Variants in UBE3D observed in about 807,000 individuals in gnomAD.
The protein encoded by UBE3D is ubiquitin protein ligase E3D.
Under a neutral mutation model 49.6 loss-of-function variants are expected in UBE3D, and 48 were observed. The observed-to-expected ratio is 0.97, with a 90% confidence interval of 0.77 to 1.23. The LOEUF is 1.23. Ranked by LOEUF, UBE3D falls within the 50% of genes most tolerant of loss-of-function variation. The pLI is 0.00. For missense variants in UBE3D, 452 were observed against 468.4 expected, an observed-to-expected ratio of 0.96 and a Z score of 0.32; for synonymous variants, 189 against 174.2, an observed-to-expected ratio of 1.08 and a Z score of -0.67.
chr6:82,979,824 TGTAA>T (rs1777987828), intron 8 of UBE3D, among the ~76,000 whole-genome samples: 1 of 152,102 alleles, frequency 6.6e-6, no homozygotes, highest in Non-Finnish European at 1.5e-5. Context: ...AGCTCCCACT[TGTAA>T]GTAAGAACAT....
intron 1 of UBE3D, among the ~76,000 whole-genome samples, chr6:83,060,189 A>G (rs1538356): frequency 0.67 from 102,159 of 151,890 alleles, 35,482 homozygotes; most frequent in Middle Eastern, 0.79. Flanking sequence ...TTCAGTCCAT[A>G]ACAGGGTCCA....
At chr6:82,970,641 C>T (rs999113950) in intron 8 of UBE3D, among the ~76,000 whole-genome samples, 4 of 152,046 alleles carry the variant, frequency 2.6e-5, no homozygotes, top group Admixed American at 1.3e-4. Flanking sequence ...AGATCGAGAC[C>T]ATCCTGGCTA....
At chr6:82,880,863 G>T in the UBE3D span, among the ~76,000 whole-genome samples, 1 of 152,136 alleles carries the variant, frequency 6.6e-6, no homozygotes, top group Non-Finnish European at 1.5e-5. Context: ...GAGCAGGGTG[G>T]CATCGTTGTT....
At chr6:83,001,410 C>T (rs1779626502) in intron 8 of UBE3D, among the ~76,000 whole-genome samples, 2 of 152,142 alleles carry the variant, frequency 1.3e-5, no homozygotes, top group South Asian at 4.2e-4. Context: ...AAGTTGAAAA[C>T]TTTTCTATTA....
downstream of UBE3D, among the ~76,000 whole-genome samples, chr6:82,888,009 T>A (rs1399487552): frequency 6.6e-6 from 1 of 152,008 alleles, no homozygotes; most frequent in African/African-American, 2.4e-5. Flanking sequence ...GTCTGAGAGA[T>A]CCTTTTCACC....
chr6:82,906,756 A>G (rs558650617), intron 9 of UBE3D, among the ~76,000 whole-genome samples: 2 of 152,310 alleles, frequency 1.3e-5, no homozygotes, highest in African/African-American at 4.8e-5. Flanking sequence ...GTGCAGCAAG[A>G]AAACACCCTG....
intron 9 of UBE3D, among the ~76,000 whole-genome samples, chr6:82,918,287 C>CA (rs200134659): frequency 0.16 from 22,241 of 136,562 alleles, 1,926 homozygotes; most frequent in Non-Finnish European, 0.23. Context: ...ACAACAACAA[C>CA]AACAAAAAAA....
intron 8 of UBE3D, among the ~76,000 whole-genome samples, chr6:82,988,464 GA>G (rs201675687): frequency 3.6e-4 from 53 of 148,492 alleles, no homozygotes; most frequent in African/African-American, 8.6e-4. Context: ...CAAGACATGA[GA>G]AAAAAAAAAT....
At chr6:82,929,078 G>A (rs1205687586) in intron 9 of UBE3D, among the ~76,000 whole-genome samples, 1 of 152,190 alleles carries the variant, frequency 6.6e-6, no homozygotes, top group Non-Finnish European at 1.5e-5. Context: ...ATCCAAGGAT[G>A]TAGAAACAAC....
intron 9 of UBE3D, among the ~76,000 whole-genome samples, chr6:82,914,984 T>G (rs116509213): frequency 0.018 from 2,690 of 152,308 alleles, 74 homozygotes; most frequent in African/African-American, 0.061. Flanking sequence ...GCTATAGTTG[T>G]ACCTGAAACC....
At chr6:82,919,209 G>T (rs961681560) in intron 9 of UBE3D, among the ~76,000 whole-genome samples, 3 of 152,074 alleles carry the variant, frequency 2.0e-5, no homozygotes, top group African/African-American at 7.2e-5. Context: ...CCCAAGAGGA[G>T]AAAGTAGACT....
chr6:82,968,065 G>A (rs1777077612), intron 8 of UBE3D, among the ~76,000 whole-genome samples: 1 of 152,154 alleles, frequency 6.6e-6, no homozygotes. Flanking sequence ...ATAGCTACGA[G>A]CTGCTATGAA....
At chr6:82,985,076 T>C (rs1273937889) in intron 8 of UBE3D, among the ~76,000 whole-genome samples, 2 of 124,704 alleles carry the variant, frequency 1.6e-5, no homozygotes, top group Non-Finnish European at 3.2e-5. Flanking sequence ...GGTCTCAAAC[T>C]CTTGGCCTCA....
At chr6:82,978,588 G>A (rs1368194063) in intron 8 of UBE3D, among the ~76,000 whole-genome samples, 1 of 152,188 alleles carries the variant, frequency 6.6e-6, no homozygotes, top group Non-Finnish European at 1.5e-5. Flanking sequence ...CTACCTAGCA[G>A]TTTGAGCTCC....
At chr6:82,930,778 G>A (rs293513) in intron 9 of UBE3D, among the ~76,000 whole-genome samples, 101,819 of 152,064 alleles carry the variant, frequency 0.67, 34,576 homozygotes, top group East Asian at 0.79. Context: ...ACAGGAAGCA[G>A]AGCATAAAAG....
intron 5 of UBE3D, among the ~76,000 whole-genome samples, chr6:83,027,101 T>C (rs1781515220): frequency 6.6e-6 from 1 of 152,144 alleles, no homozygotes; most frequent in East Asian, 1.9e-4. Context: ...CTATGTGGGA[T>C]CATTTTCTTC....
chr6:82,931,430 G>A (rs1001831672), intron 9 of UBE3D, among the ~76,000 whole-genome samples: 1 of 152,170 alleles, frequency 6.6e-6, no homozygotes, highest in Non-Finnish European at 1.5e-5. Context: ...CTTGCACTGT[G>A]CACCTGGAAA....
chr6:83,044,951 G>A (rs1782932096), intron 3 of UBE3D, among the ~76,000 whole-genome samples: 1 of 152,160 alleles, frequency 6.6e-6, no homozygotes, highest in Non-Finnish European at 1.5e-5. Flanking sequence ...ATCACACGAA[G>A]TTTGAGAATC....
At chr6:83,036,268 C>T (rs1323827361) in intron 5 of UBE3D, 1 of 152,158 alleles carries the variant, frequency 6.6e-6, no homozygotes, top group Non-Finnish European at 1.5e-5. Context: ...AGGTCATCTG[C>T]CCATCTCGGC....
Sources: allele counts gnomAD v4.1 joint callset (sites outside exome capture counted in the v4.1 genomes callset), GRCh38; gene constraint gnomAD v4.1.1; transcripts MANE v1.5; gene names NCBI Gene and HGNC (gene_info 2026-07-23, HGNC 2026-07-21).